CYTIP: variants seen among roughly 807,000 people sequenced by gnomAD.
The protein encoded by CYTIP is cytohesin-interacting protein.
A neutral mutation model predicts 43.8 loss-of-function variants in CYTIP; 26 were observed. The ratio of observed to expected loss-of-function variants is 0.59; its 90% CI spans 0.44 to 0.82. The LOEUF is 0.82. CYTIP is among the 40% of genes least tolerant of loss of function. The probability of loss-of-function intolerance (pLI) is 0.00; values close to 1 mark genes in which losing one functional copy is unlikely to be tolerated. For synonymous variants in CYTIP, 162 were observed against 162.9 expected (o/e 0.99, Z 0.04); for missense variants, 426 against 443.1 (o/e 0.96, Z 0.35).
intron 2 of CYTIP, 136 bp downstream of exon 2, chr2:157,434,562 G>T: frequency 1.2e-6 from 1 of 850,276 alleles, no homozygotes; most frequent in Non-Finnish European, 1.9e-6. Flanking sequence ...GATTCTGTGT[G>T]TGTGTCTGTG....
At position 157,427,354 on chromosome 2, in the gene CYTIP, T is replaced by C. The variant is rs1685628295; in HGVS notation, c.543A>G (p.Leu181=). Residue 181 remains leucine, a synonymous_variant, in exon 6 of 8, where the codon TTA becomes TTG. Coordinates refer to ENST00000264192, the MANE Select transcript of CYTIP (RefSeq NM_004288.5). ...TCACTGCATTAAATTAAATTACCTTTAAAACCTGCAGCTTTGCTTCAAGCT... is the reference window on the plus strand; with the variant it reads ...TCACTGCATTAAATTAAATTACCTTCAAAACCTGCAGCTTTGCTTCAAGCT... ...RTELEAKLQV[L]KQTLKQKWVE... The C allele has an allele frequency of 1.9e-6, 3 of 1,608,926 alleles. No homozygotes were observed. The highest frequency in any genetic ancestry group is 2.5e-6 in the Non-Finnish European group (3 of 1,177,956).
At chr2:157,416,275 G>A (rs192055961) in intron 7 of CYTIP, 132 bp from the exon 8 acceptor site, 7 of 735,308 alleles carry the variant, frequency 9.5e-6, no homozygotes, top group South Asian at 1.9e-5. Context: ...GAGCTTTGGC[G>A]TGCTTGAATA....
rs761588156 is a variant in CYTIP at position 157,415,890 on chromosome 2, C to G, written c.867G>C (p.Glu289Asp). The G allele has an allele frequency of 3.7e-6, 6 of 1,614,212 alleles. No individual in the cohort carries two copies. The African/African-American group carries it at 6.7e-5, about 18-fold the overall frequency. ...ATGACCTCCTCAGAAAATCATCCCC[C>G]TCCTTGGGGATAAAGCACTCATCAT... is the stretch of plus-strand genomic sequence containing the variant. ...STDDECFIPK[E>D]GDDFLRRSSS... is the part of the protein sequence containing the mutation. The change falls in exon 8 of 8, where the codon GAG becomes GAC. Residue 289 changes from glutamate to aspartate, a missense_variant. Glu to Asp is a conservative substitution (Grantham distance 45). Coordinates refer to ENST00000264192, the MANE Select transcript of CYTIP (RefSeq NM_004288.5).
In CYTIP at chr2:157,424,308, G is replaced by A. The variant is rs115272358; in HGVS notation, c.546+3043C>T. ...AAATTTATTTCACATGTCTATTAAC[G>A]TCAATCAAAGCATTAGTTTTTGTAA... On this transcript the variant is annotated intron_variant, in intron 6 of 7. Transcript: ENST00000264192. 4.8e-3 allele frequency among the ~76,000 whole-genome samples: 728 copies of A among 152,036 alleles called. 5 individuals are homozygous for A. The highest frequency in any genetic ancestry group is 0.016 in the African/African-American group (667 of 41,478).
intron 6 of CYTIP, among the ~76,000 whole-genome samples, chr2:157,418,873 A>G (rs966076072): frequency 6.6e-6 from 1 of 152,180 alleles, no homozygotes; most frequent in African/African-American, 2.4e-5. Context: ...TAATAAGATT[A>G]TTTGGGTTTG....
At chr2:157,421,096 T>C (rs934110753) in intron 6 of CYTIP, among the ~76,000 whole-genome samples, 2 of 152,208 alleles carry the variant, frequency 1.3e-5, no homozygotes, top group African/African-American at 4.8e-5. Context: ...ACTAAGGGTT[T>C]TTCAACTGTA....
Position 157,434,711 on chromosome 2 carries a change from A to G in CYTIP, c.211T>C (p.Ser71Pro). The G allele has an allele frequency of 1.9e-6, 3 of 1,611,036 alleles. No homozygotes were observed. The highest frequency in any genetic ancestry group is 2.5e-6 in the Non-Finnish European group (3 of 1,178,150). ...LTRSSSLSDF[S>P]WSQRKLVTVE... ...CAATCTCTTTACCTTTGAGACCAGG[A>G]AAAGTCACTTAAAGAACTTGATCTG... The change falls in exon 2 of 8, where the codon TCC (serine) becomes CCC (proline). Residue 71 changes from serine (S) to proline (P), a missense_variant. Transcript: ENST00000264192.
chr2:157,419,780 G>T (rs932097737), intron 6 of CYTIP, among the ~76,000 whole-genome samples: 13 of 152,220 alleles, frequency 8.5e-5, no homozygotes, highest in Non-Finnish European at 1.6e-4. Flanking sequence ...GGCAAAAAAT[G>T]TATATTTGGA....
chr2:157,442,808 T>C (rs1022009511), intron 1 of CYTIP, among the ~76,000 whole-genome samples: 2 of 152,214 alleles, frequency 1.3e-5, no homozygotes, highest in African/African-American at 2.4e-5. Context: ...GCCATACCTC[T>C]CTAATCCTGA....
At chr2:157,432,334 A>G (rs1044086405) in intron 3 of CYTIP, among the ~76,000 whole-genome samples, 6 of 152,196 alleles carry the variant, frequency 3.9e-5, no homozygotes, top group African/African-American at 1.4e-4. Context: ...AAAGCTACAG[A>G]AAGTATTAAT....
In CYTIP at chr2:157,430,654, T is replaced by G. The variant is rs1306327009; in HGVS notation, c.383-2A>C. The G allele has an allele frequency of 6.2e-7, 1 of 1,613,606 alleles. No homozygotes were observed. The highest frequency in any genetic ancestry group is 8.5e-7 in the Non-Finnish European group (1 of 1,179,482). On this transcript the variant is annotated splice_acceptor_variant, in intron 4 of 7. Transcript: ENST00000264192. LOFTEE classifies it high-confidence loss of function. ...CATTGATATTTGCAAGGACATCACCTGGGAGATGCCAAGAAAAATGAGTGT... is the reference window on the plus strand; with the variant it reads ...CATTGATATTTGCAAGGACATCACCGGGGAGATGCCAAGAAAAATGAGTGT...
intron 1 of CYTIP, among the ~76,000 whole-genome samples, chr2:157,436,909 C>T (rs749048899): frequency 4.6e-5 from 7 of 152,118 alleles, no homozygotes; most frequent in African/African-American, 7.2e-5. Flanking sequence ...ATAGGAAAAA[C>T]TCAAGGATAA....
intron 1 of CYTIP, among the ~76,000 whole-genome samples, chr2:157,442,059 C>T (rs964741570): frequency 1.3e-5 from 2 of 152,166 alleles, no homozygotes; most frequent in African/African-American, 2.4e-5. Flanking sequence ...TGTGTTGTTA[C>T]ACAAAAAAGT....
chr2:157,439,064 TA>T (rs1216807767), intron 1 of CYTIP: 1 of 209,546 alleles, frequency 4.8e-6, no homozygotes, highest in Non-Finnish European at 1.1e-5. Context: ...TCTATCTAGC[TA>T]ATTGACTAGT....
At chr2:157,437,888 G>T (rs886805075) in intron 1 of CYTIP, among the ~76,000 whole-genome samples, 3 of 152,118 alleles carry the variant, frequency 2.0e-5, no homozygotes, top group East Asian at 3.9e-4. Flanking sequence ...TGCTGGTGAG[G>T]ATAAGGAGAA....
intron 4 of CYTIP, 39 bp from the exon 5 acceptor site, chr2:157,430,691 G>GTT (rs1458292401): frequency 6.3e-7 from 1 of 1,575,506 alleles, no homozygotes; most frequent in East Asian, 2.2e-5. Context: ...ATGTTGGTTA[G>GTT]TTAAATAATC....
intron 7 of CYTIP, 48 bp downstream of exon 7, chr2:157,418,475 T>C (rs747529148): frequency 2.6e-6 from 4 of 1,531,112 alleles, no homozygotes; most frequent in East Asian, 2.3e-5. Flanking sequence ...GCAGAAATAC[T>C]GAAAGAAGTA....
rs1283865390 is a variant in CYTIP at position 157,428,200 on chromosome 2, T to C, written c.477-780A>G. Among the ~76,000 whole-genome samples, 3 of 152,206 alleles carry C rather than the reference T, an allele frequency of 2.0e-5. No homozygotes were observed. In the East Asian group the frequency reaches 5.8e-4, roughly 29 times the overall value. The stretch of plus-strand genomic sequence containing the variant: ...GGCTTTTATTTTGACTACTAAACCA[T>C]CAATCTGAATATGATTTAAAAATTT... On this transcript the variant is annotated intron_variant, in intron 5 of 7. Coordinates refer to ENST00000264192, the MANE Select transcript of CYTIP (RefSeq NM_004288.5).
At chr2:157,422,351 G>A (rs893940458) in intron 6 of CYTIP, among the ~76,000 whole-genome samples, 11 of 152,154 alleles carry the variant, frequency 7.2e-5, no homozygotes, top group Admixed American at 2.6e-4. Context: ...TGCATAGATT[G>A]TCTCTAAACA....
Sources: allele counts gnomAD v4.1 joint callset (sites outside exome capture counted in the v4.1 genomes callset), GRCh38; gene constraint gnomAD v4.1.1; transcripts MANE v1.5; gene names NCBI Gene and HGNC (gene_info 2026-07-23, HGNC 2026-07-21).